MYOF: variants seen among roughly 807,000 people sequenced by gnomAD.
MYOF encodes the protein fer-1-like 3, myoferlin.
A neutral mutation model predicts 284.2 loss-of-function variants in MYOF; 244 were observed. The ratio of observed to expected loss-of-function variants is 0.86; its 90% CI spans 0.77 to 0.95. MYOF has a LOEUF of 0.95. MYOF is among the 40% of genes least tolerant of loss of function. The pLI is 0.00. For missense variants in MYOF, 2,496 were observed against 2,560.6 expected, an observed-to-expected ratio of 0.97 and a Z score of 0.54; for synonymous variants, 904 against 919.7, an observed-to-expected ratio of 0.98 and a Z score of 0.31.
chr10:93,463,860 G>A (rs1471518537), intron 1 of MYOF, among the ~76,000 whole-genome samples: 1 of 54,082 alleles, frequency 1.8e-5, no homozygotes, highest in East Asian at 5.6e-4. Flanking sequence ...GCAAGACCCT[G>A]TCTCAAAAAA....
In MYOF at chr10:93,474,713, C is replaced by T. The variant is rs1227244110; in HGVS notation, c.88+7394G>A. ...TTAATTTAATCCTCAAACAGCCCTG[C>T]AAGGCAGGAGATATTATTAAGAACA... On this transcript the variant is annotated intron_variant, in intron 1 of 53. Coordinates refer to ENST00000359263, the MANE Select transcript of MYOF (RefSeq NM_013451.4). Among the ~76,000 whole-genome samples the T allele has an allele frequency of 3.3e-5, 5 of 151,162 alleles. No individual in the cohort carries two copies. In the East Asian group the frequency reaches 9.6e-4, roughly 29 times the overall value.
intron 5 of MYOF, among the ~76,000 whole-genome samples, chr10:93,419,990 A>G (rs1848289283): frequency 6.6e-6 from 1 of 152,126 alleles, no homozygotes; most frequent in African/African-American, 2.4e-5. Flanking sequence ...AAAATTAGCC[A>G]GGCGTGGTGG....
intron 3 of MYOF, among the ~76,000 whole-genome samples, chr10:93,450,821 A>G (rs1245252265): frequency 6.6e-6 from 1 of 151,936 alleles, no homozygotes; most frequent in Non-Finnish European, 1.5e-5. Flanking sequence ...TGCTTCTTAC[A>G]ATTGATGGGG....
chr10:93,425,441 C>T (rs1342402904), intron 5 of MYOF, among the ~76,000 whole-genome samples: 1 of 152,126 alleles, frequency 6.6e-6, no homozygotes, highest in Non-Finnish European at 1.5e-5. Context: ...GTCTTGTAGG[C>T]CCTCCCTCCC....
rs1240405035 is a variant in MYOF at position 93,348,145 on chromosome 10, C to G, written c.4084-363G>C. ...ATCACTGACCCATGCTCTTTACTCT[C>G]AGTCACTGCCCTATACTCTTCCCTG... is the stretch of plus-strand genomic sequence containing the variant. On this transcript the variant is annotated intron_variant, in intron 36 of 53. Coordinates refer to ENST00000359263, the MANE Select transcript of MYOF (RefSeq NM_013451.4). Among the ~76,000 whole-genome samples, 7 of 152,334 alleles carry G rather than the reference C, an allele frequency of 4.6e-5. No homozygotes were observed. In the South Asian group the frequency reaches 1.5e-3, roughly 32 times the overall value.
At chr10:93,424,498 T>C (rs1364529582) in intron 5 of MYOF, among the ~76,000 whole-genome samples, 1 of 152,006 alleles carries the variant, frequency 6.6e-6, no homozygotes, top group East Asian at 1.9e-4. Flanking sequence ...AAGGGAGCCA[T>C]GGATGTTCTT....
chr10:93,346,482 C>T (rs1477180372), intron 37 of MYOF, among the ~76,000 whole-genome samples: 2 of 152,230 alleles, frequency 1.3e-5, no homozygotes, highest in African/African-American at 4.8e-5. Context: ...TGCAATGTAG[C>T]CCCCAGCCCC....
At chr10:93,455,578 C>T (rs2985074) in intron 2 of MYOF, among the ~76,000 whole-genome samples, 108,264 of 151,986 alleles carry the variant, frequency 0.71, 38,949 homozygotes, top group East Asian at 0.77. Context: ...GGTGGGAGGA[C>T]CACCTGAGCC....
chr10:93,349,983 T>A lies in MYOF; in HGVS notation c.3922-14A>T. On this transcript the variant is annotated splice_polypyrimidine_tract_variant and intron_variant, in intron 35 of 53. Transcript: ENST00000359263. ...CCAAGCTAGAATCTATGAAAACGAT[T>A]TAAAGAGAGGGGAAGGTAACTCAGC... is the stretch of plus-strand genomic sequence containing the variant. 6.2e-7 allele frequency: 1 copy of A among 1,611,068 alleles called. No individual in the cohort carries two copies. The highest frequency in any genetic ancestry group is 8.5e-7 in the Non-Finnish European group (1 of 1,178,550).
In MYOF at chr10:93,482,243, G is replaced by C. The variant is rs752985500; in HGVS notation, c.-49C>G. The stretch of plus-strand genomic sequence containing the variant: ...GTTTCAGCAAACGAAGTGGAGACTA[G>C]GGCGCTGGAGCTCCGGGTCGCACCG... On this transcript the variant is annotated 5_prime_UTR_variant, in exon 1 of 54. Transcript: ENST00000359263. The C allele has an allele frequency of 2.7e-6, 4 of 1,480,730 alleles. No individual in the cohort carries two copies. Among genetic ancestry groups the C allele is most frequent in the Non-Finnish European group, 3.7e-6 (4 of 1,067,074 alleles). The allele number at this position is 1,480,730 out of a possible 1,614,324, so 91.7% of individuals were successfully genotyped here. A position where few individuals can be genotyped will look rare whatever the true frequency, so the allele number is the denominator to read the frequency against.
At chr10:93,456,180 G>A (rs777601684) in intron 2 of MYOF, among the ~76,000 whole-genome samples, 22 of 151,974 alleles carry the variant, frequency 1.4e-4, no homozygotes, top group Non-Finnish European at 2.6e-4. Context: ...ATTAATATGG[G>A]CATATGCTTA....
At chr10:93,357,588 C>T (rs930273007) in intron 29 of MYOF, among the ~76,000 whole-genome samples, 1 of 152,118 alleles carries the variant, frequency 6.6e-6, no homozygotes, top group East Asian at 1.9e-4. Context: ...ATTTAATAAA[C>T]GTAAAACAAT....
chr10:93,403,958 C>A, intron 9 of MYOF, 65 bp downstream of exon 9: 1 of 1,549,956 alleles, frequency 6.5e-7, no homozygotes, highest in South Asian at 1.1e-5. Flanking sequence ...ACATAGGAAT[C>A]AGATTTCTAT....
At chr10:93,386,258 A>G (rs1160950940) in intron 19 of MYOF, among the ~76,000 whole-genome samples, 4 of 152,082 alleles carry the variant, frequency 2.6e-5, no homozygotes, top group Non-Finnish European at 5.9e-5. Context: ...CTAGCATGCA[A>G]ACTGTCCCTT....
intron 30 of MYOF, 89 bp from the exon 31 acceptor site, chr10:93,355,825 A>T: frequency 1.1e-6 from 1 of 873,408 alleles, no homozygotes; most frequent in South Asian, 1.6e-5. Flanking sequence ...AGAATAACAA[A>T]TGGAATTCTA....
intron 22 of MYOF, among the ~76,000 whole-genome samples, chr10:93,376,801 C>A (rs1368598469): frequency 6.6e-6 from 1 of 152,186 alleles, no homozygotes; most frequent in East Asian, 1.9e-4. Flanking sequence ...TGGTTCAAGT[C>A]AAATCTACTG....
intron 36 of MYOF, among the ~76,000 whole-genome samples, chr10:93,348,977 T>A (rs1844375551): frequency 6.6e-6 from 1 of 152,012 alleles, no homozygotes; most frequent in African/African-American, 2.4e-5. Flanking sequence ...TCCTCCTCTG[T>A]AATGTAAAAT....
At chr10:93,317,422 A>G (rs1842659944) in intron 49 of MYOF, among the ~76,000 whole-genome samples, 1 of 151,954 alleles carries the variant, frequency 6.6e-6, no homozygotes, top group South Asian at 2.1e-4. Context: ...AGATTACTTA[A>G]GGCCAGGAGT....
chr10:93,441,997 A>AACACACACACACACACAC (rs34488205), intron 3 of MYOF, among the ~76,000 whole-genome samples: 6 of 133,056 alleles, frequency 4.5e-5, no homozygotes, highest in African/African-American at 1.7e-4. Flanking sequence ...CCTCAACCTG[A>AACACACACACACACACAC]ACACACACAC....
Sources: gnomAD v4.1 joint callset for allele counts (sites outside exome capture counted in the v4.1 genomes callset) on GRCh38, gnomAD v4.1.1 for gene constraint, MANE v1.5 for transcripts, NCBI Gene and HGNC (gene_info 2026-07-23, HGNC 2026-07-21) for gene names.